The following SLC1A5 variants were observed in gnomAD, a reference collection of about 807,000 sequenced individuals.
SLC1A5 encodes the protein solute carrier family 1 member 5, also known as neutral amino acid transporter B(0).
In SLC1A5, 25 loss-of-function variants were observed where a neutral mutation model predicts 34.9. The observed-to-expected ratio is 0.72, with a 90% CI of 0.52 to 1.00. The LOEUF is 1.00. SLC1A5 is among the 50% of genes least tolerant of loss of function. The pLI is 0.00. For missense variants in SLC1A5, 637 were observed against 740.0 expected (o/e 0.86, Z 1.61); for synonymous variants, 351 against 341.2 (o/e 1.03, Z -0.32).
chr19:46,786,397 G>T (rs553920251), intron 1 of SLC1A5, among the ~76,000 whole-genome samples: 1 of 152,296 alleles, frequency 6.6e-6, no homozygotes, highest in South Asian at 2.1e-4. Flanking sequence ...GAGTGGGTGT[G>T]CCTGCCTGAA....
chr19:46,779,284 C>T (rs1018012800), intron 4 of SLC1A5, among the ~76,000 whole-genome samples: 12 of 152,036 alleles, frequency 7.9e-5, no homozygotes, highest in African/African-American at 2.4e-4. Context: ...ATTAACCAGG[C>T]GTGGTGGCGC....
chr19:46,787,982 G>A lies in SLC1A5; in HGVS notation c.-17C>T, dbSNP rs1281330244. On this transcript the variant is annotated 5_prime_UTR_variant, in exon 1 of 8. Transcript: ENST00000542575. The surrounding 1 kb of genome is among the most constrained non-coding windows in gnomAD (Gnocchi z 5.2). ...GGCCACCATGATGGGAAGCACCGGG[G>A]TTTCTTAGCGCCTGGAAGCTGGCTG... 1 of 1,532,526 alleles carries A rather than the reference G, an allele frequency of 6.5e-7. No homozygotes were observed. Among genetic ancestry groups the A allele is most frequent in the Non-Finnish European group, 8.7e-7 (1 of 1,142,964 alleles). 94.9% of individuals were successfully genotyped at this position (1,532,526 alleles called of 1,614,324 possible).
intron 4 of SLC1A5, among the ~76,000 whole-genome samples, chr19:46,781,904 C>A (rs1050172513): frequency 2.6e-5 from 4 of 152,138 alleles, no homozygotes; most frequent in Non-Finnish European, 5.9e-5. Context: ...TATTCACTTT[C>A]TTTTCTTTTC....
At chr19:46,776,760 C>G (rs1216456090) in intron 7 of SLC1A5, 11 of 546,220 alleles carry the variant, frequency 2.0e-5, no homozygotes, top group Middle Eastern at 4.7e-4. Flanking sequence ...CTGCTGTATT[C>G]ACCACACAGA....
rs773105513 is a variant in SLC1A5, at chr19:46,787,967, A to T, written c.-2T>A. 23 of 1,554,578 alleles carry T rather than the reference A, an allele frequency of 1.5e-5. No individual in the cohort carries two copies. In the African/African-American group the frequency reaches 3.0e-4, roughly 21 times the overall value. ...GTCTCGAGGAGGATCGGCCACCATG[A>T]TGGGAAGCACCGGGGTTTCTTAGCG... is the stretch of plus-strand genomic sequence containing the variant. On this transcript the variant is annotated 5_prime_UTR_variant, in exon 1 of 8. Coordinates refer to ENST00000542575, the MANE Select transcript of SLC1A5 (RefSeq NM_005628.3). This position sits in a 1 kb window ranked among gnomAD's most constrained non-coding sequence, Gnocchi z 5.2.
At chr19:46,782,346 A>ACCCCACCCCCCCCCAGCCCCCCCTCC in intron 4 of SLC1A5, 37 bp downstream of exon 4, 1 of 567,984 alleles carries the variant, frequency 1.8e-6, no homozygotes, top group Non-Finnish European at 3.2e-6. Flanking sequence ...CGACCCTCCA[A>ACCCCACCCCCCCCCAGCCCCCCCTCC]CCCCACCCAC....
intron 1 of SLC1A5, chr19:46,784,797 G>T: frequency 7.0e-7 from 1 of 1,429,990 alleles, no homozygotes; most frequent in Non-Finnish European, 9.1e-7. Flanking sequence ...TAGCCCTGAG[G>T]CATTGTGGGT....
At chr19:46,785,418 C>A (rs961452703) in intron 1 of SLC1A5, among the ~76,000 whole-genome samples, 1 of 152,188 alleles carries the variant, frequency 6.6e-6, no homozygotes, top group Non-Finnish European at 1.5e-5. Flanking sequence ...CAGCACCTAC[C>A]GTGTGGCAGG....
Position 46,776,718 on chromosome 19 carries a change from G to T in SLC1A5, c.1388+257C>A, listed in dbSNP as rs530098769. 1.2e-5 allele frequency: 5 copies of T among 415,634 alleles called. No individual in the cohort carries two copies. The Admixed American group carries it at 2.1e-4, about 17-fold the overall frequency. The allele number at this position is 415,634 out of a possible 1,614,324, so 25.7% of individuals were successfully genotyped here. A position where few individuals can be genotyped will look rare whatever the true frequency, so the allele number is the denominator to read the frequency against. ...GTCACAACAGTGAATGTTGGAGCTG[G>T]GATGTGAACCTGAGCAGTCTGGCTG... On this transcript the variant is annotated intron_variant, in intron 7 of 7. Coordinates refer to ENST00000542575, the MANE Select transcript of SLC1A5 (RefSeq NM_005628.3).
At chr19:46,782,350 C>CCCCCCCCCCCCCCCCCCCCAG in intron 4 of SLC1A5, 33 bp downstream of exon 4, 1 of 631,606 alleles carries the variant, frequency 1.6e-6, no homozygotes, top group Non-Finnish European at 2.8e-6. Flanking sequence ...CCTCCAACCC[C>CCCCCCCCCCCCCCCCCCCCAG]ACCCACCCCC....
chr19:46,787,932 G>A lies in SLC1A5; in HGVS notation c.34C>T (p.Leu12Phe), dbSNP rs1395307503. 6.4e-7 allele frequency: 1 copy of A among 1,573,806 alleles called. No individual in the cohort carries two copies. The highest frequency in any genetic ancestry group is 1.2e-5 in the South Asian group (1 of 86,784). ...TTGGCGGTGGGCTCCGCCGCTGCGA[G>A]CCCCTTGGAGTCTCGAGGAGGATCG... Reference protein sequence around the residue: ...VADPPRDSKGLAAAEPTANGG... With the variant: ...VADPPRDSKGFAAAEPTANGG... Residue 12 changes from leucine to phenylalanine, a missense_variant, in exon 1 of 8, where the codon CTC becomes TTC. Coordinates refer to ENST00000542575, the MANE Select transcript of SLC1A5 (RefSeq NM_005628.3). This position sits in a 1 kb window ranked among gnomAD's most constrained non-coding sequence, Gnocchi z 5.2.
chr19:46,784,186 G>A, intron 2 of SLC1A5, 42 bp from the exon 3 acceptor site: 1 of 1,465,536 alleles, frequency 6.8e-7, no homozygotes, highest in South Asian at 1.2e-5. Flanking sequence ...ATCGTTACCA[G>A]GGCCTCCCAA....
chr19:46,776,946 C>T (rs373220472), intron 7 of SLC1A5, 29 bp downstream of exon 7: 41 of 1,606,854 alleles, frequency 2.6e-5, no homozygotes, highest in Non-Finnish European at 3.4e-5. Context: ...TACCCCTGGC[C>T]CTGCCCCAGT....
intron 4 of SLC1A5, 92 bp downstream of exon 4, chr19:46,782,290 GC>G (rs968700764): frequency 1.0e-6 from 1 of 988,014 alleles, no homozygotes; most frequent in Non-Finnish European, 1.5e-6. Context: ...AATAGAGGGT[GC>G]CCCATCCCAA....
chr19:46,776,846 C>CCCATTTCCTCCAGAATTCCTT, intron 7 of SLC1A5, 129 bp downstream of exon 7: 1 of 1,042,900 alleles, frequency 9.6e-7, no homozygotes, highest in Non-Finnish European at 1.4e-6. Context: ...CAAGGTTCCC[C>CCCATTTCCTCCAGAATTCCTT]CCATTTCCTC....
intron 4 of SLC1A5, among the ~76,000 whole-genome samples, chr19:46,781,009 A>G (rs1254995558): frequency 6.6e-6 from 1 of 152,128 alleles, no homozygotes; most frequent in African/African-American, 2.4e-5. Flanking sequence ...CAAATTTTAG[A>G]AAGACCATGG....
rs1443838990 is a variant in SLC1A5 at position 46,787,772 on chromosome 19, CCGGCCACCA to C, written c.185_193del (p.Val62_Ala64del). 5 of 1,549,992 alleles carry C rather than the reference CCGGCCACCA, an allele frequency of 3.2e-6. No individual in the cohort carries two copies. The highest frequency in any genetic ancestry group is 2.4e-5 in the East Asian group (1 of 41,568). On this transcript the variant is annotated inframe_deletion, in exon 1 of 8. Coordinates refer to ENST00000542575, the MANE Select transcript of SLC1A5 (RefSeq NM_005628.3). This position sits in a 1 kb window ranked among gnomAD's most constrained non-coding sequence, Gnocchi z 5.2. The stretch of plus-strand genomic sequence containing the variant: ...CGACACCCCCAGTCCCAGCGCCACG[CCGGCCACCA>C]CGGCCACCACTGTCAGCAGCACAAG...
rs776991536 is a variant in SLC1A5 at position 46,777,397 on chromosome 19, G to A, written c.1067C>T (p.Thr356Met). Residue 356 changes from threonine to methionine, a missense_variant, in exon 6 of 8, where the codon ACG becomes ATG. Coordinates refer to ENST00000542575, the MANE Select transcript of SLC1A5 (RefSeq NM_005628.3). ...CACGCACTTCATCATCAGCGGCAGC[G>A]TGGCGGAACTGCAAGGGATGGGGGA... is the stretch of plus-strand genomic sequence containing the variant. ...TAFGTSSSSA[T>M]LPLMMKCVEE... 6.2e-6 allele frequency: 10 copies of A among 1,607,586 alleles called. No homozygotes were observed. The South Asian group carries it at 7.7e-5, about 12-fold the overall frequency.
chr19:46,777,273 G>A lies in SLC1A5; in HGVS notation c.1191C>T (p.Ala397=), dbSNP rs779678004. ...MDGAALFQCV[A]AVFIAQLSQQ... is the part of the protein sequence containing the mutation. ...GGCTGAGCTGTGCAATGAACACTGC[G>A]GCCACGCACTGGAAGAGCGCGGCAC... Residue 397 remains alanine, a synonymous_variant, in exon 6 of 8, where the codon GCC becomes GCT. Coordinates refer to ENST00000542575, the MANE Select transcript of SLC1A5 (RefSeq NM_005628.3). 6.2e-7 allele frequency: 1 copy of A among 1,613,180 alleles called. No individual in the cohort carries two copies. The highest frequency in any genetic ancestry group is 1.1e-5 in the South Asian group (1 of 90,974).
Sources: allele counts gnomAD v4.1 joint callset (sites outside exome capture counted in the v4.1 genomes callset), GRCh38; gene constraint gnomAD v4.1.1; non-coding constraint Gnocchi (gnomAD v3.1); transcripts MANE v1.5; gene names NCBI Gene and HGNC (gene_info 2026-07-23, HGNC 2026-07-21).